Variants in PATJ observed in about 807,000 individuals in gnomAD.
PATJ encodes the protein inaD-like protein.
In PATJ, 190 loss-of-function variants were observed where a neutral mutation model predicts 224.9. That is an observed-to-expected ratio of 0.84 (90% CI 0.75 to 0.95). PATJ has a LOEUF of 0.95. PATJ is among the 40% of genes least tolerant of loss of function. The pLI, the probability that PATJ is intolerant of heterozygous loss-of-function variation, is 0.00. For missense variants in PATJ, 2,121 were observed against 2,270.3 expected (o/e 0.93, Z 1.34); for synonymous variants, 769 against 820.3 (o/e 0.94, Z 1.07).
At position 61,751,293 on chromosome 1, in the gene PATJ, G is replaced by A. The variant is rs569100876; in HGVS notation, c.-36+8738G>A. Among the ~76,000 whole-genome samples, 20 of 152,096 alleles carry A rather than the reference G, an allele frequency of 1.3e-4. No individual in the cohort carries two copies. In the East Asian group the frequency reaches 3.5e-3, roughly 27 times the overall value. Reference sequence around the variant, plus strand: ...TGGGAGTACAGGCGTGAGCCACCACGCCTGATTCCTGATATGACCATAATT... The same window carrying A: ...TGGGAGTACAGGCGTGAGCCACCACACCTGATTCCTGATATGACCATAATT... On this transcript the variant is annotated intron_variant, in intron 1 of 43. Coordinates refer to ENST00000642238, the MANE Select transcript of PATJ (RefSeq NM_001350145.3).
intron 3 of PATJ, among the ~76,000 whole-genome samples, chr1:61,765,639 G>T (rs1294558411): frequency 2.0e-5 from 3 of 152,048 alleles, no homozygotes; most frequent in Non-Finnish European, 4.4e-5. Context: ...AGTTGTATCA[G>T]CCAATGATAT....
chr1:61,871,920 G>C (rs549356719), intron 20 of PATJ, among the ~76,000 whole-genome samples: 2 of 148,566 alleles, frequency 1.3e-5, no homozygotes, highest in African/African-American at 2.5e-5. Flanking sequence ...TGGTCAGGCT[G>C]GTCTTGAACT....
Position 62,161,025 on chromosome 1 carries a change from G to A in PATJ, c.5620G>A (p.Gly1874Arg), listed in dbSNP as rs1230134440. 3.8e-6 allele frequency: 6 copies of A among 1,596,424 alleles called. No homozygotes were observed. In the East Asian group the frequency reaches 1.1e-4, roughly 30 times the overall value. The change falls in exon 44 of 44, where the codon GGG becomes AGG. Residue 1874 changes from glycine to arginine, a missense_variant. By Grantham distance (125) the Gly-to-Arg change is moderately radical. Coordinates refer to ENST00000642238, the MANE Select transcript of PATJ (RefSeq NM_001350145.3). ...QAVAILKHQR[G>R]TVTLTVLS is the part of the protein sequence containing the mutation. ...AGTCGCCATTCTAAAACACCAGAGA[G>A]GGACTGTAACCTTAACTGTGCTGTC...
rs930194990 is a variant in PATJ at position 62,162,810 on chromosome 1, A to C, written c.*1756A>C. The C allele has an allele frequency of 4.9e-6, 1 of 202,860 alleles. No homozygotes were observed. Among genetic ancestry groups the C allele is most frequent in the Non-Finnish European group, 1.0e-5 (1 of 99,256 alleles). 12.6% of individuals were successfully genotyped at this position (202,860 alleles called of 1,614,324 possible). On this transcript the variant is annotated 3_prime_UTR_variant, in exon 44 of 44. Coordinates refer to ENST00000642238, the MANE Select transcript of PATJ (RefSeq NM_001350145.3). ...AAAAATACAAAAATTAGCTGGGTGC[A>C]GTGGCAGGCGCCTGTAATCCCAGCT...
chr1:62,072,387 G>A (rs985947129), intron 31 of PATJ: 2 of 152,098 alleles, frequency 1.3e-5, no homozygotes, highest in Non-Finnish European at 2.9e-5. Context: ...TAGTTTTATA[G>A]GGATATTAGT....
At chr1:62,000,034 G>A (rs1261220200) in intron 28 of PATJ, among the ~76,000 whole-genome samples, 13 of 151,638 alleles carry the variant, frequency 8.6e-5, no homozygotes, top group Admixed American at 3.3e-4. Context: ...GATTACAGGC[G>A]CCTGCCACCA....
At chr1:61,979,864 G>A (rs1295256262) in intron 27 of PATJ, among the ~76,000 whole-genome samples, 1 of 151,972 alleles carries the variant, frequency 6.6e-6, no homozygotes, top group Non-Finnish European at 1.5e-5. Context: ...ACTTACTAAC[G>A]TCTGCTGCTT....
At chr1:61,939,272 A>C (rs1332057173) in intron 27 of PATJ, among the ~76,000 whole-genome samples, 2 of 151,592 alleles carry the variant, frequency 1.3e-5, no homozygotes, top group African/African-American at 4.9e-5. Context: ...ACAATAACGG[A>C]CAATGATCAT....
At chr1:62,151,840 C>G (rs1668669338) in intron 42 of PATJ, among the ~76,000 whole-genome samples, 1 of 152,100 alleles carries the variant, frequency 6.6e-6, no homozygotes, top group Non-Finnish European at 1.5e-5. Flanking sequence ...GGGTTTCTGC[C>G]TTTTGAGCAA....
At chr1:62,142,139 T>C (rs1365493767) in intron 41 of PATJ, among the ~76,000 whole-genome samples, 1 of 152,128 alleles carries the variant, frequency 6.6e-6, no homozygotes, top group Admixed American at 6.6e-5. Context: ...AAAAACACTA[T>C]TTTAGTGACT....
intron 22 of PATJ, among the ~76,000 whole-genome samples, chr1:61,893,652 A>G (rs1174779757): frequency 6.6e-6 from 1 of 151,950 alleles, no homozygotes; most frequent in Non-Finnish European, 1.5e-5. Context: ...GGTAAAAAAA[A>G]TTAGCCGGGC....
In PATJ at chr1:61,752,114, C is replaced by T. The variant is rs1165353391; in HGVS notation, c.-36+9559C>T. Among the ~76,000 whole-genome samples, 6 of 135,704 alleles carry T rather than the reference C, an allele frequency of 4.4e-5. No homozygotes were observed. The East Asian group carries it at 1.1e-3, about 25-fold the overall frequency. 89.0% of individuals were successfully genotyped at this position (135,704 alleles called of 152,430 possible). The stretch of plus-strand genomic sequence containing the variant: ...GATCTCTCCATTGTACTCCAGCCTG[C>T]GCAACAGGAGCAAAACATCATCTCA... On this transcript the variant is annotated intron_variant, in intron 1 of 43. Transcript: ENST00000642238.
chr1:61,831,818 C>T (rs1029628396), intron 16 of PATJ, among the ~76,000 whole-genome samples: 1 of 152,174 alleles, frequency 6.6e-6, no homozygotes, highest in African/African-American at 2.4e-5. Flanking sequence ...ACCCAGCAGT[C>T]CCATTACTGC....
intron 41 of PATJ, among the ~76,000 whole-genome samples, chr1:62,135,288 G>A (rs991586977): frequency 7.9e-5 from 12 of 151,298 alleles, no homozygotes; most frequent in Admixed American, 5.3e-4. Context: ...AGGCCGAGGT[G>A]GGGGGGATCG....
At chr1:61,960,212 A>T (rs1032783837) in intron 27 of PATJ, among the ~76,000 whole-genome samples, 6 of 152,146 alleles carry the variant, frequency 3.9e-5, no homozygotes, top group Non-Finnish European at 7.3e-5. Context: ...TCTGAAACAT[A>T]TTCCTTAACT....
chr1:61,979,080 A>G (rs1644304870), intron 27 of PATJ, among the ~76,000 whole-genome samples: 3 of 152,102 alleles, frequency 2.0e-5, no homozygotes, highest in Admixed American at 2.0e-4. Flanking sequence ...TAGACAATCC[A>G]TGTTTAAAAC....
At chr1:62,062,702 G>A (rs748431094) in intron 31 of PATJ, among the ~76,000 whole-genome samples, 3 of 151,630 alleles carry the variant, frequency 2.0e-5, no homozygotes, top group Non-Finnish European at 4.4e-5. Flanking sequence ...TCACTTCATT[G>A]TCCAGGTTGA....
chr1:62,020,036 G>A (rs991251324), intron 29 of PATJ, among the ~76,000 whole-genome samples: 1 of 152,024 alleles, frequency 6.6e-6, no homozygotes, highest in Non-Finnish European at 1.5e-5. Context: ...AGGCGTGGTG[G>A]CATGTGCCCT....
chr1:61,782,831 A>G (rs996936501), intron 7 of PATJ, among the ~76,000 whole-genome samples: 7 of 152,212 alleles, frequency 4.6e-5, no homozygotes, highest in Non-Finnish European at 1.0e-4. Context: ...TTTGTGTGAC[A>G]TTGATAACAG....
Sources: allele counts gnomAD v4.1 joint callset (sites outside exome capture counted in the v4.1 genomes callset), GRCh38; gene constraint gnomAD v4.1.1; transcripts MANE v1.5; gene names NCBI Gene and HGNC (gene_info 2026-07-23, HGNC 2026-07-21).